DNMT3A: variants seen among roughly 807,000 people sequenced by gnomAD.
DNMT3A encodes the protein DNA methyltransferase 3 alpha.
Under a neutral mutation model 117.6 loss-of-function variants are expected in DNMT3A, and 267 were observed. The ratio of observed to expected loss-of-function variants is 2.27; its 90% confidence interval spans 2.05 to 2.51. The LOEUF is 2.51. DNMT3A is among the 30% of genes most tolerant of loss of function. DNMT3A has a pLI of 0.00. For synonymous variants in DNMT3A, 432 were observed against 474.8 expected (o/e 0.91, Z 1.17); for missense variants, 1,029 against 1,260.2 (o/e 0.82, Z 2.78).
chr2:25,310,232 C>A (rs1252659885), intron 2 of DNMT3A, among the ~76,000 whole-genome samples: 1 of 151,948 alleles, frequency 6.6e-6, no homozygotes, highest in Non-Finnish European at 1.5e-5. Flanking sequence ...CTGAGGTGGC[C>A]CTTGGACTGT....
Position 25,248,121 on chromosome 2 carries a change from AGTGG to A in DNMT3A, c.767_770del (p.Pro256LeufsTer59). ...CCACGGGCTCAGGCGTGGTAGCCAC[AGTGG>A]GGGATGCGGGGTCAGTGGGCTGCTG... On this transcript the variant is annotated frameshift_variant, in exon 7 of 23. Coordinates refer to ENST00000321117, the MANE Select transcript of DNMT3A (RefSeq NM_022552.5). LOFTEE classifies it high-confidence loss of function. 6.2e-7 allele frequency: 1 copy of A among 1,613,674 alleles called. No individual in the cohort carries two copies. Among genetic ancestry groups the A allele is most frequent in the Non-Finnish European group, 8.5e-7 (1 of 1,179,956 alleles).
intron 4 of DNMT3A, among the ~76,000 whole-genome samples, chr2:25,278,075 G>A (rs1043754438): frequency 1.4e-5 from 2 of 147,332 alleles, no homozygotes; most frequent in African/African-American, 2.5e-5. Context: ...GGGCCGCCTC[G>A]GAATGCGGCA....
chr2:25,240,711 A>G lies in DNMT3A; in HGVS notation c.2102T>C (p.Phe701Ser). ...GGGACTGCCCCCAATCACCAGATCG[A>G]ATGGGCCCCACTCCTGGATCTGGGA... Reference protein sequence around the residue: ...TQKHIQEWGPFDLVIGGSPCN... With the variant: ...TQKHIQEWGPSDLVIGGSPCN... The change falls in exon 18 of 23, where the codon TTC becomes TCC. Residue 701 changes from phenylalanine to serine, a missense_variant. Coordinates refer to ENST00000321117, the MANE Select transcript of DNMT3A (RefSeq NM_022552.5). 6.2e-7 allele frequency: 1 copy of G among 1,614,180 alleles called. No individual in the cohort carries two copies. Among genetic ancestry groups the G allele is most frequent in the Non-Finnish European group, 8.5e-7 (1 of 1,180,026 alleles).
At chr2:25,275,438 C>G (rs1558698541) in intron 5 of DNMT3A, 62 bp downstream of exon 5, 2 of 1,518,958 alleles carry the variant, frequency 1.3e-6, no homozygotes, top group Non-Finnish European at 8.9e-7. Flanking sequence ...CACACACACT[C>G]GCCACCCGTG....
Position 25,341,840 on chromosome 2 carries a change from G to C in DNMT3A, c.-192C>G, listed in dbSNP as rs1294355369. On this transcript the variant is annotated 5_prime_UTR_variant, in exon 1 of 23. Coordinates refer to ENST00000321117, the MANE Select transcript of DNMT3A (RefSeq NM_022552.5). ...GCGCTCATTACCGTATGGCCGGTGG[G>C]GTCGGGCCGGCCCGGCTGCGCGCCC... The C allele has an allele frequency of 1.0e-6, 1 of 980,404 alleles. No individual in the cohort carries two copies. Among genetic ancestry groups the C allele is most frequent in the East Asian group, 1.2e-4 (1 of 8,620 alleles). The allele number at this position is 980,404 out of a possible 1,614,324, so 60.7% of individuals were successfully genotyped here. A position where few individuals can be genotyped will look rare whatever the true frequency, so the allele number is the denominator to read the frequency against.
At chr2:25,332,440 G>A (rs1573510007) in intron 1 of DNMT3A, among the ~76,000 whole-genome samples, 1 of 152,188 alleles carries the variant, frequency 6.6e-6, no homozygotes, top group South Asian at 2.1e-4. Context: ...GGGTCCTTCC[G>A]CCCTGCCAGA....
Position 25,293,034 on chromosome 2 carries a change from G to C in DNMT3A, c.177+7105C>G, listed in dbSNP as rs538856425. On this transcript the variant is annotated intron_variant, in intron 3 of 22. Coordinates refer to ENST00000321117, the MANE Select transcript of DNMT3A (RefSeq NM_022552.5). The surrounding 1 kb of genome is among the most constrained non-coding windows in gnomAD (Gnocchi z 4.7). ...TGGAAAAAAAAAAAAAGGAGATTCT[G>C]AGATTCTACTTAAATGCTCCCCAAG... Among the ~76,000 whole-genome samples the C allele has an allele frequency of 6.6e-6, 1 of 151,954 alleles. No individual in the cohort carries two copies. Among genetic ancestry groups the C allele is most frequent in the South Asian group, 2.1e-4 (1 of 4,808 alleles).
intron 2 of DNMT3A, among the ~76,000 whole-genome samples, chr2:25,310,084 G>A (rs752527309): frequency 1.3e-5 from 2 of 152,066 alleles, no homozygotes; most frequent in African/African-American, 2.4e-5. Flanking sequence ...ATAAGATAAT[G>A]CATGCACATA....
chr2:25,235,890 T>C (rs1673308319), intron 21 of DNMT3A, 65 bp from the exon 22 acceptor site: 1 of 1,429,506 alleles, frequency 7.0e-7, no homozygotes, highest in Non-Finnish European at 9.9e-7. Flanking sequence ...TGGTCATGCG[T>C]CTACCAAATA....
At position 25,235,705 on chromosome 2, in the gene DNMT3A, A is replaced by G; in HGVS notation, c.2597+2T>C. Reference sequence around the variant, plus strand: ...AGCCAGATGCCAGCACAACCCGGGTACCTTTCCATTTCAGTGCACCATAAG... The same window carrying G: ...AGCCAGATGCCAGCACAACCCGGGTGCCTTTCCATTTCAGTGCACCATAAG... On this transcript the variant is annotated splice_donor_variant, in intron 22 of 22. Coordinates refer to ENST00000321117, the MANE Select transcript of DNMT3A (RefSeq NM_022552.5). LOFTEE classifies it high-confidence loss of function. The G allele has an allele frequency of 6.2e-7, 1 of 1,610,854 alleles. No individual in the cohort carries two copies. The highest frequency in any genetic ancestry group is 8.5e-7 in the Non-Finnish European group (1 of 1,177,222).
chr2:25,233,710 CCT>C lies in DNMT3A; in HGVS notation c.*567_*568del, dbSNP rs1287445480. On this transcript the variant is annotated 3_prime_UTR_variant, in exon 23 of 23. Transcript: ENST00000321117. ...CCTGAGTGTCTCTCTCTTTCCGTCC[CCT>C]GCTTGTGCTCCTATCTGATCAGGCT... 4.4e-6 allele frequency: 1 copy of C among 227,784 alleles called. No individual in the cohort carries two copies. The highest frequency in any genetic ancestry group is 8.6e-6 in the Non-Finnish European group (1 of 116,650). 14.1% of individuals were successfully genotyped at this position (227,784 alleles called of 1,614,324 possible).
chr2:25,324,282 G>C (rs992997430), intron 1 of DNMT3A, among the ~76,000 whole-genome samples: 7 of 152,266 alleles, frequency 4.6e-5, no homozygotes, highest in Middle Eastern at 3.4e-3. Context: ...TATGAAGCAG[G>C]TCCTATTGTT....
At chr2:25,331,517 C>T (rs2035012118) in intron 1 of DNMT3A, among the ~76,000 whole-genome samples, 1 of 152,176 alleles carries the variant, frequency 6.6e-6, no homozygotes, top group Non-Finnish European at 1.5e-5. Flanking sequence ...TCCAGCCCAC[C>T]CAAAGATTCT....
At position 25,240,701 on chromosome 2, in the gene DNMT3A, C is replaced by T. The variant is rs1673918660; in HGVS notation, c.2112G>A (p.Val704=). 1 of 1,614,220 alleles carries T rather than the reference C, an allele frequency of 6.2e-7. No individual in the cohort carries two copies. Residue 704 remains valine (V), a synonymous_variant, in exon 18 of 23, where the codon GTG becomes GTA. Coordinates refer to ENST00000321117, the MANE Select transcript of DNMT3A (RefSeq NM_022552.5). Reference sequence around the variant, plus strand: ...GGTCATTGCAGGGACTGCCCCCAATCACCAGATCGAATGGGCCCCACTCCT... The same window carrying T: ...GGTCATTGCAGGGACTGCCCCCAATTACCAGATCGAATGGGCCCCACTCCT... ...HIQEWGPFDL[V]IGGSPCNDLS... is the part of the protein sequence containing the mutation.
At chr2:25,335,943 T>C (rs55799006) in intron 1 of DNMT3A, among the ~76,000 whole-genome samples, 60,480 of 151,240 alleles carry the variant, frequency 0.4, 12,370 homozygotes, top group Middle Eastern at 0.42. Context: ...GTAGGCAACA[T>C]AGAGCTGCTG....
chr2:25,313,809 G>GT, intron 2 of DNMT3A, 104 bp downstream of exon 2: 2 of 1,514,028 alleles, frequency 1.3e-6, no homozygotes, highest in East Asian at 4.9e-5. Context: ...TGAGCACTGA[G>GT]TGATGCGGTC....
chr2:25,264,757 C>T (rs576502056), intron 6 of DNMT3A, among the ~76,000 whole-genome samples: 17 of 152,268 alleles, frequency 1.1e-4, no homozygotes, highest in East Asian at 5.8e-4. Context: ...CCACCACCCC[C>T]GGCCAAAAAG....
intron 16 of DNMT3A, among the ~76,000 whole-genome samples, chr2:25,242,206 C>T (rs1245784107): frequency 6.6e-6 from 1 of 152,048 alleles, no homozygotes. Context: ...GCATCCCTTG[C>T]CTCCCCATCA....
intron 18 of DNMT3A, 25 bp from the exon 19 acceptor site, chr2:25,240,475 T>C: frequency 6.3e-7 from 1 of 1,592,432 alleles, no homozygotes; most frequent in Non-Finnish European, 8.5e-7. Context: ...GAGAAAGCCA[T>C]CAGCTGGGGC....
Sources: allele counts gnomAD v4.1 joint callset (sites outside exome capture counted in the v4.1 genomes callset), GRCh38; gene constraint gnomAD v4.1.1; non-coding constraint Gnocchi (gnomAD v3.1); transcripts MANE v1.5; gene names NCBI Gene and HGNC (gene_info 2026-07-23, HGNC 2026-07-21).